Variants in NDST1 observed in about 807,000 individuals in gnomAD.
NDST1 encodes N-deacetylase and N-sulfotransferase 1, also known as bifunctional heparan sulfate N-deacetylase/N-sulfotransferase 1.
In NDST1, 35 loss-of-function variants were observed where a neutral mutation model predicts 92.8. That is an observed-to-expected ratio of 0.38 (90% CI 0.29 to 0.50). The LOEUF is 0.50. Ranked by LOEUF, NDST1 falls within the 20% of genes least tolerant of loss-of-function variation. The probability of loss-of-function intolerance (pLI) is 0.94; values close to 1 mark genes in which losing one functional copy is unlikely to be tolerated. For synonymous variants in NDST1, 493 were observed against 500.3 expected (o/e 0.99, Z 0.19); for missense variants, 822 against 1,182.7 (o/e 0.69, Z 4.47).
upstream of NDST1, among the ~76,000 whole-genome samples, chr5:150,503,861 T>A (rs963957967): frequency 3.3e-5 from 5 of 152,154 alleles, no homozygotes; most frequent in African/African-American, 1.2e-4. Context: ...TATATCCCAG[T>A]GGCTAGCCTT....
intron 6 of NDST1, 120 bp downstream of exon 6, chr5:150,536,005 GCTTCTGCTGCCT>G: frequency 8.3e-7 from 1 of 1,204,098 alleles, no homozygotes; most frequent in Non-Finnish European, 1.2e-6. Flanking sequence ...TTGCAGATCA[GCTTCTGCTGCCT>G]CCTCTGGCAC....
chr5:150,529,740 A>G (rs1754637421), intron 3 of NDST1, among the ~76,000 whole-genome samples: 1 of 152,252 alleles, frequency 6.6e-6, no homozygotes, highest in African/African-American at 2.4e-5. Flanking sequence ...AGCAAGTGTT[A>G]GAAACATATT....
At chr5:150,516,034 G>A (rs1237941030) in intron 1 of NDST1, among the ~76,000 whole-genome samples, 1 of 150,560 alleles carries the variant, frequency 6.6e-6, no homozygotes, top group East Asian at 2.0e-4. Flanking sequence ...TCTGCCCTGG[G>A]TTTTGCCATG....
intron 11 of NDST1, among the ~76,000 whole-genome samples, chr5:150,547,845 C>T (rs1331308110): frequency 1.3e-5 from 2 of 152,148 alleles, no homozygotes; most frequent in African/African-American, 4.8e-5. Flanking sequence ...ACCACCATGC[C>T]AGCTAATTTT....
At chr5:150,546,731 G>A (rs1755502577) in intron 11 of NDST1, among the ~76,000 whole-genome samples, 1 of 152,252 alleles carries the variant, frequency 6.6e-6, no homozygotes, top group Admixed American at 6.5e-5. Flanking sequence ...TCTCCCGCAG[G>A]GCTGGCACCT....
upstream of NDST1, among the ~76,000 whole-genome samples, chr5:150,503,994 A>G (rs2151238729): frequency 6.6e-6 from 1 of 152,260 alleles, no homozygotes; most frequent in South Asian, 2.1e-4. Flanking sequence ...TCCACTGGAC[A>G]CTGGGAGTGA....
intron 3 of NDST1, among the ~76,000 whole-genome samples, chr5:150,530,763 T>C (rs1448600134): frequency 1.3e-5 from 2 of 152,030 alleles, no homozygotes; most frequent in East Asian, 3.9e-4. Context: ...TTTTGCCATA[T>C]TGCCCAGGCC....
chr5:150,551,163 G>A (rs573980775), intron 13 of NDST1, among the ~76,000 whole-genome samples: 3 of 152,180 alleles, frequency 2.0e-5, no homozygotes, highest in Non-Finnish European at 2.9e-5. Context: ...TAACAGCTTC[G>A]GATCTCATAT....
intron 7 of NDST1, 192 bp from the exon 8 acceptor site, chr5:150,539,890 G>A (rs1182083718): frequency 3.7e-6 from 3 of 818,406 alleles, no homozygotes; most frequent in Non-Finnish European, 4.4e-6. Context: ...TAATATTTGG[G>A]GTCAGTCAGG....
At chr5:150,523,710 G>C (rs960660784) in intron 2 of NDST1, among the ~76,000 whole-genome samples, 3 of 152,244 alleles carry the variant, frequency 2.0e-5, no homozygotes, top group African/African-American at 7.2e-5. Flanking sequence ...GCGGTGGGCT[G>C]TGGCCATTGG....
In NDST1 at chr5:150,548,202, C is replaced by T; in HGVS notation, c.2146-16C>T. 1 of 1,614,156 alleles carries T rather than the reference C, an allele frequency of 6.2e-7. No individual in the cohort carries two copies. Among genetic ancestry groups the T allele is most frequent in the South Asian group, 1.1e-5 (1 of 91,088 alleles). On this transcript the variant is annotated splice_polypyrimidine_tract_variant and intron_variant, in intron 11 of 14. Coordinates refer to ENST00000261797, the MANE Select transcript of NDST1 (RefSeq NM_001543.5). Reference sequence around the variant, plus strand: ...GTCCTCCAAGTGGCATGCTGACCCTCTTTCCTTGCCTGCAGCACCAGCGAG... The same window carrying T: ...GTCCTCCAAGTGGCATGCTGACCCTTTTTCCTTGCCTGCAGCACCAGCGAG...
At chr5:150,550,178 G>T (rs1026470978) in intron 13 of NDST1, among the ~76,000 whole-genome samples, 1 of 150,444 alleles carries the variant, frequency 6.6e-6, no homozygotes, top group Non-Finnish European at 1.5e-5. Flanking sequence ...TTGGCTCACT[G>T]CAACCTCAAC....
At chr5:150,535,247 C>A in intron 5 of NDST1, 1 of 937,992 alleles carries the variant, frequency 1.1e-6, no homozygotes, top group Non-Finnish European at 1.3e-6. Context: ...GTCACACCAG[C>A]TACTAAGAGG....
At chr5:150,535,552 C>G in intron 5 of NDST1, 148 bp from the exon 6 acceptor site, 1 of 1,185,406 alleles carries the variant, frequency 8.4e-7, no homozygotes, top group Non-Finnish European at 1.2e-6. Context: ...CCCTCCCAGG[C>G]CTCAGCTTCC....
intron 11 of NDST1, among the ~76,000 whole-genome samples, chr5:150,547,302 T>C (rs1755530549): frequency 6.6e-6 from 1 of 151,726 alleles, no homozygotes; most frequent in African/African-American, 2.4e-5. Flanking sequence ...AGAGGAAGGG[T>C]GGGGGCCTGT....
At chr5:150,535,080 A>G in intron 5 of NDST1, 59 bp downstream of exon 5, 1 of 1,570,602 alleles carries the variant, frequency 6.4e-7, no homozygotes, top group African/African-American at 1.3e-5. Context: ...CTGGAGGTCC[A>G]GACTGCTGGC....
chr5:150,525,369 A>G (rs1340886453), intron 2 of NDST1, among the ~76,000 whole-genome samples: 1 of 152,174 alleles, frequency 6.6e-6, no homozygotes, highest in Non-Finnish European at 1.5e-5. Context: ...GGGATCCCTC[A>G]GCACCCGCGG....
At position 150,533,039 on chromosome 5, in the gene NDST1, G is replaced by A. The variant is rs545270113; in HGVS notation, c.1096+7G>A. On this transcript the variant is annotated splice_region_variant and intron_variant, in intron 4 of 14. Transcript: ENST00000261797. Reference sequence around the variant, plus strand: ...GGGAAATTCTTCCACACAGGTAAGTGGGCCTGCCCCTGCCCTCACTAGCAA... The same window carrying A: ...GGGAAATTCTTCCACACAGGTAAGTAGGCCTGCCCCTGCCCTCACTAGCAA... 5.6e-6 allele frequency: 9 copies of A among 1,613,768 alleles called. No individual in the cohort carries two copies. The South Asian group carries it at 9.9e-5, about 18-fold the overall frequency.
chr5:150,514,793 C>G (rs947748295), intron 1 of NDST1, among the ~76,000 whole-genome samples: 5 of 152,132 alleles, frequency 3.3e-5, no homozygotes, highest in African/African-American at 1.2e-4. Context: ...GTCTTTGTCT[C>G]CTTATCTGTA....
Sources: gnomAD v4.1 joint callset for allele counts (sites outside exome capture counted in the v4.1 genomes callset) on GRCh38, gnomAD v4.1.1 for gene constraint, MANE v1.5 for transcripts, NCBI Gene and HGNC (gene_info 2026-07-23, HGNC 2026-07-21) for gene names.